Variants in PAGE3 observed in about 807,000 individuals in gnomAD.
PAGE3 encodes the protein PAGE family member 3, also known as P antigen family member 3.
In PAGE3, 9 loss-of-function variants were observed where a neutral mutation model predicts 3.8. The ratio of observed to expected loss-of-function variants is 2.36; its 90% confidence interval spans 1.42 to 4.12. The LOEUF is 4.12. Ranked by LOEUF, PAGE3 falls within the 30% of genes most tolerant of loss-of-function variation. The pLI is 0.00. For missense variants in PAGE3, 73 were observed against 37.8 expected (o/e 1.93, Z -2.44); for synonymous variants, 24 against 13.1 (o/e 1.83, Z -1.79).
chrX:55,263,434 A>G (rs1407363356), intron 2 of PAGE3, 75 bp from the exon 3 acceptor site: 1 of 450,676 alleles, frequency 2.2e-6, no homozygotes, highest in Non-Finnish European at 3.9e-6. Context: ...CATATACTCA[A>G]TATACAAATA....
At chrX:55,259,676 T>C (rs1938251645) in intron 4 of PAGE3, among the ~76,000 whole-genome samples, 1 of 111,305 alleles carries the variant, frequency 9.0e-6, no homozygotes, top group Non-Finnish European at 1.9e-5. Context: ...ACTAGTTGAA[T>C]TATTTCCCTT....
At chrX:55,261,132 C>T (rs764846967) in intron 3 of PAGE3, among the ~76,000 whole-genome samples, 3 of 111,534 alleles carry the variant, frequency 2.7e-5, no homozygotes, top group African/African-American at 9.8e-5. Context: ...CTGGTCCATT[C>T]TCTTAAAAAA....
At chrX:55,261,616 A>T (rs1938290845) in intron 3 of PAGE3, among the ~76,000 whole-genome samples, 1 of 111,860 alleles carries the variant, frequency 8.9e-6, no homozygotes, top group Non-Finnish European at 1.9e-5. Flanking sequence ...TTCAGACAAG[A>T]CTGGGTGCAT....
chrX:55,261,936 TTAAAA>T (rs1367696241), intron 3 of PAGE3, among the ~76,000 whole-genome samples: 1 of 111,865 alleles, frequency 8.9e-6, no homozygotes, highest in Non-Finnish European at 1.9e-5. Flanking sequence ...ACTTATTTTG[TTAAAA>T]TAAAGTTACT....
rs764265809 is a variant in PAGE3 at position 55,263,377 on chromosome X, T to C, written c.85-18A>G. 1 of 557,921 alleles carries C rather than the reference T, an allele frequency of 1.8e-6. No individual in the cohort carries two copies. Among genetic ancestry groups the C allele is most frequent in the Non-Finnish European group, 3.3e-6 (1 of 304,040 alleles). The allele number at this position is 557,921 out of a possible 1,213,427, so 46.0% of individuals were successfully genotyped here. ...TCCTGGGCCTAGGAATATGAGTGCG[T>C]GTGCAAATAAAAAGGTCTGTTATTA... On this transcript the variant is annotated intron_variant, in intron 2 of 4. Coordinates refer to ENST00000374951, the MANE Select transcript of PAGE3 (RefSeq NM_001017931.3).
chrX:55,262,180 A>G (rs776359808), intron 3 of PAGE3, among the ~76,000 whole-genome samples: 1 of 111,762 alleles, frequency 8.9e-6, no homozygotes, highest in African/African-American at 3.2e-5. Flanking sequence ...CTATGTAAAT[A>G]TTTTGCTCCA....
Position 55,258,475 on chromosome X carries a change from G to T in PAGE3, c.*31C>A. 1.8e-6 allele frequency: 1 copy of T among 556,733 alleles called. No individual in the cohort carries two copies. The highest frequency in any genetic ancestry group is 2.4e-5 in the South Asian group (1 of 41,824). The allele number at this position is 556,733 out of a possible 1,213,427, so 45.9% of individuals were successfully genotyped here. A position where few individuals can be genotyped will look rare whatever the true frequency, so the allele number is the denominator to read the frequency against. On this transcript the variant is annotated 3_prime_UTR_variant, in exon 5 of 5. Coordinates refer to ENST00000374951, the MANE Select transcript of PAGE3 (RefSeq NM_001017931.3). ...TTACTGGTGAAGTTTCCAACATAAA[G>T]ACTGCATGTATGGTTTCAGCTTGTC...
chrX:55,264,911 C>T lies in PAGE3; in HGVS notation c.-374G>A, dbSNP rs1938363302. 9.0e-6 allele frequency: 1 copy of T among 111,392 alleles called. No homozygotes were observed. The highest frequency in any genetic ancestry group is 3.3e-5 in the African/African-American group (1 of 30,593). 9.2% of individuals were successfully genotyped at this position (111,392 alleles called of 1,213,427 possible). A position where few individuals can be genotyped will look rare whatever the true frequency, so the allele number is the denominator to read the frequency against. ...CAGACAGCAGACAGCAGACAGCAGA[C>T]AGCAAGGCACATGCGCAATAATGGA... On this transcript the variant is annotated 5_prime_UTR_variant, in exon 1 of 5. Transcript: ENST00000374951.
At chrX:55,258,631 AT>A (rs1938235733) in intron 4 of PAGE3, 103 bp from the exon 5 acceptor site, 1 of 493,301 alleles carries the variant, frequency 2.0e-6, no homozygotes, top group South Asian at 3.0e-5. Flanking sequence ...GAAATGAACT[AT>A]AACAAGGTAA....
At position 55,263,363 on chromosome X, in the gene PAGE3, G is replaced by A. The variant is rs1249966659; in HGVS notation, c.85-4C>T. The A allele has an allele frequency of 1.8e-6, 1 of 562,222 alleles. No homozygotes were observed. Among genetic ancestry groups the A allele is most frequent in the Non-Finnish European group, 3.3e-6 (1 of 306,650 alleles). 46.3% of individuals were successfully genotyped at this position (562,222 alleles called of 1,213,427 possible). On this transcript the variant is annotated splice_region_variant and splice_polypyrimidine_tract_variant and intron_variant, in intron 2 of 4. Coordinates refer to ENST00000374951, the MANE Select transcript of PAGE3 (RefSeq NM_001017931.3). Reference sequence around the variant, plus strand: ...CATTACTGGGCAGCTCCTGGGCCTAGGAATATGAGTGCGTGTGCAAATAAA... The same window carrying A: ...CATTACTGGGCAGCTCCTGGGCCTAAGAATATGAGTGCGTGTGCAAATAAA...
In PAGE3 at chrX:55,259,928, A is replaced by G. The variant is rs193055941; in HGVS notation, c.319+606T>C. Among the ~76,000 whole-genome samples the G allele has an allele frequency of 9.5e-3, 1,056 of 111,491 alleles. 12 individuals are homozygous for G. The highest frequency in any genetic ancestry group is 0.033 in the African/African-American group (1,010 of 30,837). On this transcript the variant is annotated intron_variant, in intron 4 of 4. Transcript: ENST00000374951. ...TGGAATGGATCAGGAATGTAGAGCA[A>G]AAGCAGTAGACTAATGCAAGATAAT...
At chrX:55,261,612 C>A (rs1320770565) in intron 3 of PAGE3, among the ~76,000 whole-genome samples, 1 of 111,705 alleles carries the variant, frequency 9.0e-6, no homozygotes, top group Admixed American at 9.5e-5. Flanking sequence ...GGACTTCAGA[C>A]AAGACTGGGT....
At chrX:55,263,148 CTCTT>C in intron 3 of PAGE3, 99 bp downstream of exon 3, 2 of 428,387 alleles carry the variant, frequency 4.7e-6, no homozygotes, top group South Asian at 8.2e-5. Flanking sequence ...TGTTTGAGAT[CTCTT>C]TCTATTGCTT....
rs189561827 is a variant in PAGE3 at position 55,263,375 on chromosome X, C to T, written c.85-16G>A. 4.0e-4 allele frequency: 220 copies of T among 554,843 alleles called. No individual in the cohort carries two copies. In the African/African-American group the frequency reaches 4.3e-3, roughly 11 times the overall value. The allele number at this position is 554,843 out of a possible 1,213,427, so 45.7% of individuals were successfully genotyped here. The stretch of plus-strand genomic sequence containing the variant: ...GCTCCTGGGCCTAGGAATATGAGTG[C>T]GTGTGCAAATAAAAAGGTCTGTTAT... On this transcript the variant is annotated splice_polypyrimidine_tract_variant and intron_variant, in intron 2 of 4. Transcript: ENST00000374951.
intron 3 of PAGE3, 51 bp from the exon 4 acceptor site, chrX:55,260,710 A>G (rs750781126): frequency 1.7e-5 from 8 of 470,109 alleles, no homozygotes; most frequent in Non-Finnish European, 3.1e-5. Context: ...TAAAATATAA[A>G]TAAAAGAATG....
chrX:55,261,410 T>C (rs868420383), intron 3 of PAGE3, among the ~76,000 whole-genome samples: 1 of 112,024 alleles, frequency 8.9e-6, no homozygotes, highest in Non-Finnish European at 1.9e-5. Context: ...ATGAAATCAA[T>C]GTGGCAAAAC....
Position 55,260,636 on chromosome X carries a change from A to G in PAGE3, c.217T>C (p.Trp73Arg). The G allele has an allele frequency of 1.8e-6, 1 of 560,744 alleles. No homozygotes were observed. Among genetic ancestry groups the G allele is most frequent in the East Asian group, 3.3e-5 (1 of 30,424 alleles). The allele number at this position is 560,744 out of a possible 1,213,427, so 46.2% of individuals were successfully genotyped here. ...FQVLGLAAYL[W>R]ELTRSKTGGE... ...CCAGTCTTTGACCGAGTCAGTTCCC[A>G]GAGATAGGCTGCCAGGCCTAGCACT... The change falls in exon 4 of 5, where the codon TGG becomes CGG. Residue 73 changes from tryptophan (W) to arginine (R), a missense_variant. Coordinates refer to ENST00000374951, the MANE Select transcript of PAGE3 (RefSeq NM_001017931.3).
intron 3 of PAGE3, among the ~76,000 whole-genome samples, chrX:55,261,252 A>T (rs955573085): frequency 9.0e-6 from 1 of 111,546 alleles, no homozygotes; most frequent in African/African-American, 3.3e-5. Flanking sequence ...CAGAAAAAAA[A>T]CTATAAGGGA....
At chrX:55,259,332 G>T (rs1357245451) in intron 4 of PAGE3, among the ~76,000 whole-genome samples, 1 of 110,079 alleles carries the variant, frequency 9.1e-6, no homozygotes, top group Non-Finnish European at 1.9e-5. Context: ...ACAAACAATA[G>T]CTTTTTTTTT....
Sources: gnomAD v4.1 joint callset for allele counts (sites outside exome capture counted in the v4.1 genomes callset) on GRCh38, gnomAD v4.1.1 for gene constraint, MANE v1.5 for transcripts, NCBI Gene and HGNC (gene_info 2026-07-23, HGNC 2026-07-21) for gene names.